The following LPP variants were observed in gnomAD, a reference collection of about 807,000 sequenced individuals.
LPP encodes LIM domain containing preferred translocation partner in lipoma, also known as lipoma-preferred partner.
A neutral mutation model predicts 60.4 loss-of-function variants in LPP; 38 were observed. The observed-to-expected ratio is 0.63, with a 90% CI of 0.49 to 0.83. LPP has a LOEUF of 0.83. Ranked by LOEUF, LPP falls within the 40% of genes least tolerant of loss-of-function variation. LPP has a pLI of 0.00. For missense variants in LPP, 902 were observed against 783.6 expected (o/e 1.15, Z -1.80); for synonymous variants, 328 against 290.8 (o/e 1.13, Z -1.30).
At chr3:188,635,734 G>C (rs1357727581) in intron 7 of LPP, among the ~76,000 whole-genome samples, 2 of 152,178 alleles carry the variant, frequency 1.3e-5, no homozygotes, top group Non-Finnish European at 2.9e-5. Context: ...CTTTAGTCGA[G>C]TTTAAATGAG....
At chr3:188,166,454 A>G (rs1037783813) in intron 1 of LPP, among the ~76,000 whole-genome samples, 1 of 152,250 alleles carries the variant, frequency 6.6e-6, no homozygotes, top group African/African-American at 2.4e-5. Flanking sequence ...AAAATGGACC[A>G]TCCACATAGC....
At chr3:188,819,396 A>G (rs1753366269) in intron 9 of LPP, among the ~76,000 whole-genome samples, 1 of 152,036 alleles carries the variant, frequency 6.6e-6, no homozygotes, top group South Asian at 2.1e-4. Flanking sequence ...AAGAAAAAAA[A>G]AACCCTGAAT....
chr3:188,781,942 C>T (rs1319248688), intron 9 of LPP, among the ~76,000 whole-genome samples: 1 of 151,630 alleles, frequency 6.6e-6, no homozygotes, highest in Non-Finnish European at 1.5e-5. Flanking sequence ...TTACCTCCCA[C>T]TGTGTCCCTT....
chr3:188,523,422 A>G (rs915240966), intron 5 of LPP, among the ~76,000 whole-genome samples: 11 of 152,184 alleles, frequency 7.2e-5, no homozygotes, highest in African/African-American at 2.7e-4. Context: ...ACAGATAGTT[A>G]AATAAGCTCC....
At chr3:188,502,079 C>A (rs1231873673) in intron 5 of LPP, among the ~76,000 whole-genome samples, 1 of 152,088 alleles carries the variant, frequency 6.6e-6, no homozygotes, top group Non-Finnish European at 1.5e-5. Flanking sequence ...AGTTTATGGG[C>A]TTATTCATGT....
intron 3 of LPP, among the ~76,000 whole-genome samples, chr3:188,350,798 A>G (rs576437852): frequency 1.3e-5 from 2 of 152,344 alleles, no homozygotes; most frequent in African/African-American, 2.4e-5. Context: ...TGTATGAAAC[A>G]TAGGATGTTA....
chr3:188,516,753 G>A (rs189556925), intron 5 of LPP, among the ~76,000 whole-genome samples: 1 of 151,822 alleles, frequency 6.6e-6, no homozygotes, highest in Admixed American at 6.5e-5. Context: ...TAGCACCTAC[G>A]AACTTGGTAG....
At chr3:188,547,391 G>C (rs990233134) in intron 6 of LPP, among the ~76,000 whole-genome samples, 1 of 152,112 alleles carries the variant, frequency 6.6e-6, no homozygotes, top group Non-Finnish European at 1.5e-5. Flanking sequence ...TCTGAAAACT[G>C]TCAGGGCTAG....
chr3:188,178,109 G>A (rs552060136), intron 1 of LPP, among the ~76,000 whole-genome samples: 31 of 152,296 alleles, frequency 2.0e-4, no homozygotes, highest in Admixed American at 1.9e-3. Flanking sequence ...AGGTAGTCAG[G>A]GCTCTGATGG....
chr3:188,427,763 C>G (rs531082846), intron 4 of LPP, among the ~76,000 whole-genome samples: 1 of 152,256 alleles, frequency 6.6e-6, no homozygotes, highest in Admixed American at 6.5e-5. Context: ...CCCCTCCCCC[C>G]ACCAAGCTGG....
At chr3:188,765,338 A>ACT (rs1491007121) in intron 9 of LPP, among the ~76,000 whole-genome samples, 9 of 144,060 alleles carry the variant, frequency 6.2e-5, no homozygotes, top group African/African-American at 2.4e-4. Context: ...ACACACACAC[A>ACT]CTTTCTTCTT....
At chr3:188,240,296 C>G (rs1277802156) in intron 2 of LPP, 1 of 164,838 alleles carries the variant, frequency 6.1e-6, no homozygotes, top group East Asian at 1.2e-4. Flanking sequence ...TTACAGCTTG[C>G]CTAACAAGGT....
chr3:188,545,475 G>A (rs1451040522), intron 6 of LPP, among the ~76,000 whole-genome samples: 2 of 151,852 alleles, frequency 1.3e-5, no homozygotes, highest in Non-Finnish European at 2.9e-5. Flanking sequence ...TTATCCCAAA[G>A]CTTAGTAATG....
At chr3:188,311,650 T>C (rs71308922) in intron 2 of LPP, among the ~76,000 whole-genome samples, 2 of 10,914 alleles carry the variant, frequency 1.8e-4, no homozygotes, top group East Asian at 0.021. Context: ...TTTTTTTCTG[T>C]TTTTTTTCTG....
chr3:188,853,804 C>T (rs1178666068), intron 9 of LPP, among the ~76,000 whole-genome samples: 1 of 150,940 alleles, frequency 6.6e-6, no homozygotes, highest in African/African-American at 2.4e-5. Flanking sequence ...AGACTCCAAA[C>T]CATTGAAGCA....
At chr3:188,761,515 A>G (rs995629307) in intron 9 of LPP, among the ~76,000 whole-genome samples, 2 of 152,154 alleles carry the variant, frequency 1.3e-5, no homozygotes, top group African/African-American at 4.8e-5. Flanking sequence ...GTAGAGTTGG[A>G]AAAAAAATCT....
chr3:188,530,363 C>T (rs1417862893), intron 6 of LPP, among the ~76,000 whole-genome samples: 2 of 152,142 alleles, frequency 1.3e-5, no homozygotes, highest in Admixed American at 6.5e-5. Flanking sequence ...TGTTTGAAAC[C>T]AAAATTTCTA....
chr3:188,183,048 A>G (rs956535390), intron 1 of LPP, among the ~76,000 whole-genome samples: 2 of 152,178 alleles, frequency 1.3e-5, no homozygotes, highest in Non-Finnish European at 2.9e-5. Context: ...TAAATTTAAT[A>G]GCAAGGCCAG....
intron 5 of LPP, among the ~76,000 whole-genome samples, chr3:188,522,883 T>C (rs1819359856): frequency 7.0e-6 from 1 of 143,140 alleles, no homozygotes; most frequent in African/African-American, 2.5e-5. Context: ...TTGAGACATA[T>C]ATGTGTGTGT....
Sources: gnomAD v4.1 joint callset for allele counts (sites outside exome capture counted in the v4.1 genomes callset) on GRCh38, gnomAD v4.1.1 for gene constraint, MANE v1.5 for transcripts, NCBI Gene and HGNC (gene_info 2026-07-23, HGNC 2026-07-21) for gene names.